Variants in POLR3E observed in about 807,000 individuals in gnomAD.
POLR3E encodes DNA-directed RNA polymerase III subunit RPC5.
In POLR3E, 41 loss-of-function variants were observed where a neutral mutation model predicts 96.6. That is an observed-to-expected ratio of 0.42 (90% CI 0.33 to 0.55). POLR3E has a LOEUF of 0.55. Among genes scored for constraint, POLR3E ranks in the 20% least tolerant of loss-of-function variants. The probability of loss-of-function intolerance (pLI) is 0.06; values close to 1 mark genes in which losing one functional copy is unlikely to be tolerated. For synonymous variants in POLR3E, 396 were observed against 383.6 expected (o/e 1.03, Z -0.38); for missense variants, 849 against 952.1 (o/e 0.89, Z 1.43).
At chr16:22,333,508 G>T (rs949353666) in intron 20 of POLR3E, 136 bp from the exon 21 acceptor site, 9 of 635,016 alleles carry the variant, frequency 1.4e-5, no homozygotes, top group African/African-American at 5.5e-5. Context: ...TAGCCATGGT[G>T]GTATGGTTAG....
intron 3 of POLR3E, among the ~76,000 whole-genome samples, chr16:22,307,160 G>A (rs924944613): frequency 1.8e-4 from 28 of 152,180 alleles, no homozygotes; most frequent in African/African-American, 6.8e-4. Flanking sequence ...GCCTCAGGGA[G>A]GCGAGGTGCC....
intron 2 of POLR3E, among the ~76,000 whole-genome samples, chr16:22,303,845 T>C (rs141422446): frequency 2.2e-5 from 3 of 137,038 alleles, no homozygotes; most frequent in Non-Finnish European, 4.6e-5. Flanking sequence ...GGAGTCTCAC[T>C]CTGTCTCCCA....
intron 12 of POLR3E, among the ~76,000 whole-genome samples, chr16:22,317,423 G>A (rs1364232559): frequency 6.6e-6 from 1 of 152,248 alleles, no homozygotes; most frequent in African/African-American, 2.4e-5. Flanking sequence ...ATGTAGGACA[G>A]TAGTGTGTCT....
At chr16:22,308,270 A>G (rs1463016420) in intron 4 of POLR3E, 45 bp downstream of exon 4, 1 of 1,474,664 alleles carries the variant, frequency 6.8e-7, no homozygotes, top group Admixed American at 1.7e-5. Context: ...AGAGAGGGTG[A>G]TGAGGGTGGG....
rs756752910 is a variant in POLR3E, at chr16:22,319,405, GT to G, written c.986+470del. Among the ~76,000 whole-genome samples, 561 of 144,680 alleles carry G rather than the reference GT, an allele frequency of 3.9e-3. 11 individuals are homozygous for G. The highest frequency in any genetic ancestry group is 0.028 in the Admixed American group (409 of 14,468). The allele number at this position is 144,680 out of a possible 152,430, so 94.9% of individuals were successfully genotyped here. On this transcript the variant is annotated intron_variant, in intron 13 of 20. Coordinates refer to ENST00000299853, the MANE Select transcript of POLR3E (RefSeq NM_018119.4). ...CATTTAAACTGTTTTTTGTTTTTTT[GT>G]TTTTTTTTTTGAGACAGAGTCTCGC... is the stretch of plus-strand genomic sequence containing the variant.
chr16:22,317,031 G>A lies in POLR3E; in HGVS notation c.765G>A (p.Glu255=). Residue 255 remains glutamate, a synonymous_variant, in exon 11 of 21, where the codon GAG becomes GAA. Transcript: ENST00000299853. ...YLMMLMPPSQ[E]EEKDKPVAPS... ...TGATGCTGATGCCACCCAGCCAGGAGGAGGAGAAGTGAGTAGAGGCGGCAG... is the reference window on the plus strand; with the variant it reads ...TGATGCTGATGCCACCCAGCCAGGAAGAGGAGAAGTGAGTAGAGGCGGCAG... 2 of 1,614,164 alleles carry A rather than the reference G, an allele frequency of 1.2e-6. No homozygotes were observed. The highest frequency in any genetic ancestry group is 1.1e-5 in the South Asian group (1 of 91,084).
intron 1 of POLR3E, among the ~76,000 whole-genome samples, chr16:22,300,405 C>G (rs1383338827): frequency 9.9e-5 from 15 of 152,138 alleles, no homozygotes; most frequent in Non-Finnish European, 5.9e-5. Context: ...ATGTACTATC[C>G]AGAGGAAGGA....
At chr16:22,316,055 A>G (rs929554232) in intron 9 of POLR3E, among the ~76,000 whole-genome samples, 4 of 152,052 alleles carry the variant, frequency 2.6e-5, no homozygotes, top group Admixed American at 6.6e-5. Flanking sequence ...AGGGCTCCCA[A>G]TATTTTCTGG....
intron 19 of POLR3E, chr16:22,331,838 C>T (rs2048747479): frequency 2.3e-6 from 1 of 444,354 alleles, no homozygotes; most frequent in Middle Eastern, 4.4e-4. Context: ...TTCAAGTTTC[C>T]AGACATAGCA....
Position 22,315,097 on chromosome 16 carries a change from C to T in POLR3E, c.531C>T (p.Phe177=). 2 of 1,613,344 alleles carry T rather than the reference C, an allele frequency of 1.2e-6. No individual in the cohort carries two copies. Among genetic ancestry groups the T allele is most frequent in the Non-Finnish European group, 1.7e-6 (2 of 1,179,882 alleles). ...EDDVKQITVR[F]SRPESEQARQ... is the part of the protein sequence containing the mutation. ...TCCCCTTCCCACCGCAGGTGCGGTT[C>T]TCCCGGCCGGAGTCAGAGCAGGCCC... Residue 177 remains phenylalanine, a synonymous_variant, in exon 9 of 21, where the codon TTC becomes TTT. Transcript: ENST00000299853.
chr16:22,316,647 C>T lies in POLR3E; in HGVS notation c.689C>T (p.Ser230Leu), dbSNP rs768173463. 6.2e-7 allele frequency: 1 copy of T among 1,614,062 alleles called. No individual in the cohort carries two copies. Among genetic ancestry groups the T allele is most frequent in the Non-Finnish European group, 8.5e-7 (1 of 1,179,948 alleles). ...CGTCAGTACCTGCTGTGCCCCGGCT[C>T]AAGCGGGGTGGAGAACACGGAGCTC... The part of the protein sequence containing the change: ...HERQYLLCPG[S>L]SGVENTELVK... The change falls in exon 10 of 21, where the codon TCA (serine) becomes TTA (leucine). Residue 230 changes from serine to leucine, a missense_variant. Coordinates refer to ENST00000299853, the MANE Select transcript of POLR3E (RefSeq NM_018119.4).
Position 22,333,636 on chromosome 16 carries a change from T to C in POLR3E, c.2071-8T>C. 3 of 1,605,984 alleles carry C rather than the reference T, an allele frequency of 1.9e-6. No homozygotes were observed. Among genetic ancestry groups the C allele is most frequent in the Non-Finnish European group, 2.6e-6 (3 of 1,172,568 alleles). On this transcript the variant is annotated splice_region_variant and splice_polypyrimidine_tract_variant and intron_variant, in intron 20 of 20. Coordinates refer to ENST00000299853, the MANE Select transcript of POLR3E (RefSeq NM_018119.4). ...AAAATCTGTGCTTACCCTGTTTCTC[T>C]CTCATAGGACTGCTGTGTAAGCTAT...
chr16:22,325,304 T>C (rs1411477186), intron 17 of POLR3E, 38 bp downstream of exon 17: 11 of 1,538,108 alleles, frequency 7.2e-6, no homozygotes, highest in Non-Finnish European at 9.0e-6. Flanking sequence ...CCCCGGCTCC[T>C]ACACTGTGGC....
Position 22,332,252 on chromosome 16 carries a change from G to C in POLR3E, c.2070+67G>C. The C allele has an allele frequency of 2.1e-6, 3 of 1,426,272 alleles. No homozygotes were observed. In the South Asian group the frequency reaches 3.7e-5, roughly 18 times the overall value. The allele number at this position is 1,426,272 out of a possible 1,614,324, so 88.4% of individuals were successfully genotyped here. A position where few individuals can be genotyped will look rare whatever the true frequency, so the allele number is the denominator to read the frequency against. ...GGAAGGGGCTGACAGTGTGTAGAAG[G>C]GACTCTAGTGTCTTTGTGTATATGA... is the stretch of plus-strand genomic sequence containing the variant. On this transcript the variant is annotated intron_variant, in intron 20 of 20. Transcript: ENST00000299853.
At chr16:22,319,741 A>C (rs1457878197) in intron 13 of POLR3E, among the ~76,000 whole-genome samples, 1 of 152,158 alleles carries the variant, frequency 6.6e-6, no homozygotes, top group African/African-American at 2.4e-5. Context: ...GTACATATTT[A>C]TGGGGGCAGT....
intron 16 of POLR3E, 124 bp from the exon 17 acceptor site, chr16:22,325,081 C>T: frequency 1.3e-6 from 1 of 784,380 alleles, no homozygotes; most frequent in South Asian, 1.5e-5. Flanking sequence ...GTAGGGCTGG[C>T]TGAGCTCCAA....
intron 3 of POLR3E, among the ~76,000 whole-genome samples, chr16:22,306,159 T>C (rs2048128476): frequency 6.6e-6 from 1 of 152,204 alleles, no homozygotes; most frequent in Non-Finnish European, 1.5e-5. Context: ...AATCATGCAG[T>C]ATGTGGCCTG....
intron 14 of POLR3E, among the ~76,000 whole-genome samples, chr16:22,324,087 T>TCTCCCG (rs112479699): frequency 0.16 from 23,477 of 144,980 alleles, 3,914 homozygotes; most frequent in African/African-American, 0.49. Flanking sequence ...GGGCAGGGCA[T>TCTCCCG]CCCCAGGGAG....
At chr16:22,301,682 T>G (rs572712984) in intron 1 of POLR3E, among the ~76,000 whole-genome samples, 1 of 152,276 alleles carries the variant, frequency 6.6e-6, no homozygotes, top group African/African-American at 2.4e-5. Flanking sequence ...TCCCAGCACT[T>G]TGGGAAACCA....
Sources: allele counts gnomAD v4.1 joint callset (sites outside exome capture counted in the v4.1 genomes callset), GRCh38; gene constraint gnomAD v4.1.1; transcripts MANE v1.5; gene names NCBI Gene and HGNC (gene_info 2026-07-23, HGNC 2026-07-21).